CUX2: variants seen among roughly 807,000 people sequenced by gnomAD.
CUX2 encodes homeobox protein cut-like 2.
Under a neutral mutation model 144.8 loss-of-function variants are expected in CUX2, and 40 were observed. The observed-to-expected ratio is 0.28, with a 90% CI of 0.21 to 0.36. The LOEUF (loss-of-function observed/expected upper bound fraction) is 0.36. Among genes scored for constraint, CUX2 ranks in the 10% least tolerant of loss-of-function variants. The pLI, the probability that CUX2 is intolerant of heterozygous loss-of-function variation, is 1.00. For missense variants in CUX2, 1,615 were observed against 1,994.0 expected (o/e 0.81, Z 3.62); for synonymous variants, 827 against 875.6 (o/e 0.94, Z 0.98).
intron 3 of CUX2, among the ~76,000 whole-genome samples, chr12:111,253,115 C>T (rs998087981): frequency 6.6e-6 from 1 of 152,162 alleles, no homozygotes; most frequent in Non-Finnish European, 1.5e-5. Flanking sequence ...GCAGGAGCCA[C>T]TTCCCTGGTC....
intron 1 of CUX2, among the ~76,000 whole-genome samples, chr12:111,166,167 C>T (rs1442616461): frequency 6.6e-6 from 1 of 152,114 alleles, no homozygotes; most frequent in Admixed American, 6.5e-5. Context: ...TATAGGTGTG[C>T]ACTATCACAC....
rs1488184322 is a variant in CUX2, at chr12:111,190,692, G to A, written c.64-23508G>A. Among the ~76,000 whole-genome samples, 2 of 152,210 alleles carry A rather than the reference G, an allele frequency of 1.3e-5. No homozygotes were observed. The highest frequency in any genetic ancestry group is 2.9e-5 in the Non-Finnish European group (2 of 68,036). ...GAAGGTGGTTGGTCCCAGATGCGAG[G>A]AGCAAAGGCAAAAGAGAGGCAGGTG... On this transcript the variant is annotated intron_variant, in intron 1 of 21. Transcript: ENST00000261726. This position sits in a 1 kb window ranked among gnomAD's most constrained non-coding sequence, Gnocchi z 4.0.
rs377178903 is a variant in CUX2 at position 111,291,439 on chromosome 12, C to T, written c.323C>T (p.Ala108Val). 169 of 1,610,846 alleles carry T rather than the reference C, an allele frequency of 1.0e-4. No homozygotes were observed. Among genetic ancestry groups the T allele is most frequent in the Middle Eastern group, 1.7e-4 (1 of 5,880 alleles). Residue 108 changes from alanine to valine, a missense_variant, in exon 5 of 22, where the codon GCG (alanine) becomes GTG (valine). Ala to Val is a moderately conservative substitution (Grantham distance 64). Around this residue, in one of 12 missense-constraint regions of CUX2, gnomAD observed 295 missense variants for 400.2 expected, o/e 0.74. Transcript: ENST00000261726. ...ACAGACCCCGTGCCTGTGTTTGAGG[C>T]GGCACGCAGCCTAGACGACAGACTG... Reference protein sequence around the residue: ...EAPDPVPVFEAARSLDDRLQP... With the variant: ...EAPDPVPVFEVARSLDDRLQP...
intron 1 of CUX2, among the ~76,000 whole-genome samples, chr12:111,100,786 TGTGA>T (rs1464548975): frequency 2.0e-5 from 3 of 152,190 alleles, no homozygotes; most frequent in Non-Finnish European, 4.4e-5. Context: ...GGAGCACCTG[TGTGA>T]GTATGTATGT....
intron 3 of CUX2, among the ~76,000 whole-genome samples, chr12:111,230,013 CAAA>C (rs532647802): frequency 1.4e-4 from 11 of 77,922 alleles, no homozygotes; most frequent in African/African-American, 9.2e-5. Flanking sequence ...GACCCTGTCT[CAAA>C]AAAAAAAAAA....
At chr12:111,157,003 AAAAAAACAG>A (rs1246911852) in intron 1 of CUX2, among the ~76,000 whole-genome samples, 2 of 150,844 alleles carry the variant, frequency 1.3e-5, no homozygotes, top group Non-Finnish European at 3.0e-5. Flanking sequence ...AAAAAAAAAA[AAAAAAACAG>A]AAACAGAAAC....
chr12:111,201,058 A>G lies in CUX2; in HGVS notation c.64-13142A>G, dbSNP rs1486445392. On this transcript the variant is annotated intron_variant, in intron 1 of 21. Coordinates refer to ENST00000261726, the MANE Select transcript of CUX2 (RefSeq NM_015267.4). ...GACAAGCCTGTGTAGCCCCTGGGCTAAAATGGCTTGTGACCACCCTGGCCG... is the reference window on the plus strand; with the variant it reads ...GACAAGCCTGTGTAGCCCCTGGGCTGAAATGGCTTGTGACCACCCTGGCCG... 2.6e-5 allele frequency among the ~76,000 whole-genome samples: 4 copies of G among 152,224 alleles called. No homozygotes were observed. The East Asian group carries it at 7.8e-4, about 30-fold the overall frequency.
At chr12:111,055,969 A>G (rs1870504580) in intron 1 of CUX2, among the ~76,000 whole-genome samples, 1 of 152,186 alleles carries the variant, frequency 6.6e-6, no homozygotes, top group South Asian at 2.1e-4. Context: ...CGTGGCTCTC[A>G]GTGTTATCTT....
At chr12:111,095,524 G>A (rs1002689566) in intron 1 of CUX2, among the ~76,000 whole-genome samples, 6 of 152,140 alleles carry the variant, frequency 3.9e-5, no homozygotes, top group Non-Finnish European at 7.4e-5. Flanking sequence ...TACCCACTGT[G>A]TGTTCTTAGG....
At chr12:111,078,971 C>T (rs914015645) in intron 1 of CUX2, among the ~76,000 whole-genome samples, 17 of 152,166 alleles carry the variant, frequency 1.1e-4, no homozygotes, top group Admixed American at 7.2e-4. Flanking sequence ...GCCTATAGCC[C>T]CAAGCCTATC....
chr12:111,209,928 T>C (rs1043822956), intron 1 of CUX2, among the ~76,000 whole-genome samples: 2 of 152,214 alleles, frequency 1.3e-5, no homozygotes, highest in African/African-American at 2.4e-5. Flanking sequence ...ATTTGAATGG[T>C]CTGCGCCGGG....
chr12:111,285,216 C>G (rs1235060126), intron 4 of CUX2, among the ~76,000 whole-genome samples: 1 of 152,180 alleles, frequency 6.6e-6, no homozygotes, highest in African/African-American at 2.4e-5. Flanking sequence ...CAGAAGCCAG[C>G]TCTGCAAAAC....
chr12:111,262,966 G>A (rs372963848), intron 3 of CUX2, among the ~76,000 whole-genome samples: 20 of 152,150 alleles, frequency 1.3e-4, no homozygotes, highest in East Asian at 3.9e-4. Context: ...ACTTAGGTGC[G>A]GCTCCATTTA....
chr12:111,286,681 T>C (rs1243996894), intron 4 of CUX2, among the ~76,000 whole-genome samples: 2 of 152,128 alleles, frequency 1.3e-5, no homozygotes, highest in African/African-American at 4.8e-5. Flanking sequence ...GAGACCAGCC[T>C]GGCCAACATG....
intron 4 of CUX2, 90 bp from the exon 5 acceptor site, chr12:111,291,328 T>G: frequency 6.9e-7 from 1 of 1,458,276 alleles, no homozygotes; most frequent in Non-Finnish European, 9.1e-7. Flanking sequence ...CTCCGATGGC[T>G]CCTGTGGAAC....
intron 16 of CUX2, among the ~76,000 whole-genome samples, chr12:111,315,056 C>G (rs1887124577): frequency 6.6e-6 from 1 of 152,094 alleles, no homozygotes; most frequent in Non-Finnish European, 1.5e-5. Flanking sequence ...AAAACGTTTG[C>G]TCTCCATGGG....
intron 1 of CUX2, among the ~76,000 whole-genome samples, chr12:111,083,740 G>A (rs906676954): frequency 1.3e-5 from 2 of 152,124 alleles, no homozygotes; most frequent in African/African-American, 4.8e-5. Context: ...GATGACAGCT[G>A]GCACTGAGAG....
intron 1 of CUX2, among the ~76,000 whole-genome samples, chr12:111,056,606 T>C (rs1301334967): frequency 1.3e-5 from 2 of 152,234 alleles, no homozygotes; most frequent in African/African-American, 4.8e-5. Context: ...TTTCATGCTC[T>C]TGCCTTGCAA....
intron 17 of CUX2, among the ~76,000 whole-genome samples, chr12:111,321,549 C>G (rs1044542206): frequency 6.6e-6 from 1 of 151,156 alleles, no homozygotes; most frequent in Non-Finnish European, 1.5e-5. Flanking sequence ...AAAAAATTAG[C>G]CAAGTGTGGT....
Sources: allele counts gnomAD v4.1 joint callset (sites outside exome capture counted in the v4.1 genomes callset), GRCh38; gene constraint gnomAD v4.1.1; regional missense constraint gnomAD v4.1.1; non-coding constraint Gnocchi (gnomAD v3.1); transcripts MANE v1.5; gene names NCBI Gene and HGNC (gene_info 2026-07-23, HGNC 2026-07-21).